MED27: variants seen among roughly 807,000 people sequenced by gnomAD.
MED27 encodes mediator of RNA polymerase II transcription subunit 27.
Under a neutral mutation model 38.2 loss-of-function variants are expected in MED27, and 30 were observed. The ratio of observed to expected loss-of-function variants is 0.79; its 90% CI spans 0.59 to 1.07. The LOEUF is 1.07. MED27 is among the 50% of genes least tolerant of loss of function. MED27 has a pLI of 0.00. For missense variants in MED27, 289 were observed against 397.5 expected (o/e 0.73, Z 2.32); for synonymous variants, 122 against 153.5 (o/e 0.79, Z 1.52).
intron 3 of MED27, among the ~76,000 whole-genome samples, chr9:131,951,233 C>G (rs549578376): frequency 3.3e-4 from 50 of 152,362 alleles, no homozygotes; most frequent in African/African-American, 1.2e-3. Context: ...CCCTCAAATG[C>G]ACACCAGACA....
At chr9:131,865,678 C>T (rs1277073089) in intron 6 of MED27, among the ~76,000 whole-genome samples, 1 of 152,234 alleles carries the variant, frequency 6.6e-6, no homozygotes, top group African/African-American at 2.4e-5. Context: ...GAACGTCAGT[C>T]CCTGGGATCC....
chr9:131,876,586 G>A (rs1838936912), intron 6 of MED27, among the ~76,000 whole-genome samples: 1 of 152,154 alleles, frequency 6.6e-6, no homozygotes, highest in Non-Finnish European at 1.5e-5. Flanking sequence ...TCGACTGTTG[G>A]ATTAAGCCTA....
rs1175424306 is a variant in MED27, at chr9:131,861,039, C to T, written c.802-367G>A. Among the ~76,000 whole-genome samples the T allele has an allele frequency of 6.6e-6, 1 of 152,124 alleles. No homozygotes were observed. The highest frequency in any genetic ancestry group is 1.5e-5 in the Non-Finnish European group (1 of 68,026). On this transcript the variant is annotated intron_variant, in intron 7 of 7. Transcript: ENST00000292035. The surrounding 1 kb of genome is among the most constrained non-coding windows in gnomAD (Gnocchi z 4.4). ...GAATGTCAGTATCCATCCTCTTCTC[C>T]TTGCCCACTACTAAGAGGTGGCTGT...
intron 2 of MED27, among the ~76,000 whole-genome samples, chr9:132,043,828 T>G (rs1283047287): frequency 6.6e-6 from 1 of 152,098 alleles, no homozygotes; most frequent in South Asian, 2.1e-4. Flanking sequence ...GAAAGGGCAA[T>G]GGCATGAACT....
chr9:132,029,190 T>C (rs758088808), intron 2 of MED27, among the ~76,000 whole-genome samples: 1 of 152,158 alleles, frequency 6.6e-6, no homozygotes, highest in Non-Finnish European at 1.5e-5. Context: ...TAGGAACAAA[T>C]AGTAGAGATT....
intron 6 of MED27, among the ~76,000 whole-genome samples, chr9:131,871,533 G>A (rs1315356200): frequency 6.6e-6 from 1 of 152,160 alleles, no homozygotes; most frequent in Non-Finnish European, 1.5e-5. Context: ...AGGAACAACG[G>A]CACCATTCAC....
At chr9:131,879,607 A>G (rs1838999834) in intron 6 of MED27, among the ~76,000 whole-genome samples, 1 of 152,168 alleles carries the variant, frequency 6.6e-6, no homozygotes, top group African/African-American at 2.4e-5. Context: ...AGCCTGAGCA[A>G]TCTCCTCTTC....
intron 2 of MED27, among the ~76,000 whole-genome samples, chr9:132,026,741 A>G (rs1481893590): frequency 6.6e-6 from 1 of 152,214 alleles, no homozygotes; most frequent in Admixed American, 6.5e-5. Flanking sequence ...TCACAGCTAC[A>G]TCCCCAGTGT....
chr9:131,984,087 C>T (rs1018367715), intron 3 of MED27, among the ~76,000 whole-genome samples: 3 of 150,238 alleles, frequency 2.0e-5, no homozygotes, highest in Non-Finnish European at 4.4e-5. Flanking sequence ...GTCTGGGACA[C>T]CTACCCTAGA....
intron 2 of MED27, among the ~76,000 whole-genome samples, chr9:132,053,251 C>T (rs1400441649): frequency 7.2e-6 from 1 of 138,808 alleles, no homozygotes; most frequent in Non-Finnish European, 1.5e-5. Context: ...AGACTCCCGT[C>T]TCAAAAAAAA....
chr9:132,071,836 T>A (rs898224879), intron 2 of MED27, among the ~76,000 whole-genome samples: 2 of 137,458 alleles, frequency 1.5e-5, no homozygotes, highest in African/African-American at 2.8e-5. Flanking sequence ...AGTACACACA[T>A]ACACACACCC....
At chr9:132,069,204 C>T (rs1053259270) in intron 2 of MED27, among the ~76,000 whole-genome samples, 2 of 152,138 alleles carry the variant, frequency 1.3e-5, no homozygotes, top group African/African-American at 4.8e-5. Context: ...CAACATGAGT[C>T]CCCATGGCCA....
At chr9:132,065,349 C>A (rs763316704) in intron 2 of MED27, among the ~76,000 whole-genome samples, 7 of 152,208 alleles carry the variant, frequency 4.6e-5, no homozygotes, top group Non-Finnish European at 7.3e-5. Flanking sequence ...TGCTGAAACA[C>A]ACAGACACAC....
chr9:132,027,186 AT>A (rs1233108260), intron 2 of MED27, among the ~76,000 whole-genome samples: 3 of 152,200 alleles, frequency 2.0e-5, no homozygotes, highest in Non-Finnish European at 4.4e-5. Flanking sequence ...TGCTCTTATT[AT>A]CCAGTTAGGA....
chr9:131,860,859 T>C lies in MED27; in HGVS notation c.802-187A>G, dbSNP rs1838640836. On this transcript the variant is annotated intron_variant, in intron 7 of 7. Coordinates refer to ENST00000292035, the MANE Select transcript of MED27 (RefSeq NM_004269.4). The surrounding 1 kb of genome is among the most constrained non-coding windows in gnomAD (Gnocchi z 5.8). ...CCTGACTGCTGATGTTCACGTCTGA[T>C]GCTCGCGTGCCCCTCCTAACCGAAG... Among the ~76,000 whole-genome samples the C allele has an allele frequency of 6.6e-6, 1 of 152,160 alleles. No individual in the cohort carries two copies. Among genetic ancestry groups the C allele is most frequent in the Non-Finnish European group, 1.5e-5 (1 of 68,024 alleles).
At chr9:131,903,219 G>A (rs769763756) in intron 4 of MED27, among the ~76,000 whole-genome samples, 13 of 152,190 alleles carry the variant, frequency 8.5e-5, no homozygotes, top group Non-Finnish European at 1.8e-4. Context: ...GCAAGGAGGC[G>A]CAAGTCACAT....
chr9:131,886,254 A>G (rs1404893493), intron 5 of MED27, among the ~76,000 whole-genome samples: 2 of 152,192 alleles, frequency 1.3e-5, no homozygotes, highest in African/African-American at 4.8e-5. Context: ...ACTGTGTTTG[A>G]AAACTTTTAG....
chr9:131,940,256 T>G (rs1830762877), intron 3 of MED27, among the ~76,000 whole-genome samples: 1 of 152,160 alleles, frequency 6.6e-6, no homozygotes, highest in Non-Finnish European at 1.5e-5. Context: ...CTGGTTGTGC[T>G]CTAATTCAAG....
At chr9:131,963,413 A>C (rs980034171) in intron 3 of MED27, among the ~76,000 whole-genome samples, 1 of 151,958 alleles carries the variant, frequency 6.6e-6, no homozygotes, top group Non-Finnish European at 1.5e-5. Flanking sequence ...TAAACATGAA[A>C]ATTTTTAAAG....
Sources: gnomAD v4.1 joint callset for allele counts (sites outside exome capture counted in the v4.1 genomes callset) on GRCh38, gnomAD v4.1.1 for gene constraint, Gnocchi (gnomAD v3.1) non-coding constraint, MANE v1.5 for transcripts, NCBI Gene and HGNC (gene_info 2026-07-23, HGNC 2026-07-21) for gene names.